Variants in HOMER1 observed in about 807,000 individuals in gnomAD.
The protein encoded by HOMER1 is homer protein homolog 1.
In HOMER1, 3 loss-of-function variants were observed where a neutral mutation model predicts 48.9. The ratio of observed to expected loss-of-function variants is 0.06; its 90% CI spans 0.03 to 0.16. HOMER1 has a LOEUF of 0.16. Ranked by LOEUF, HOMER1 falls within the 10% of genes least tolerant of loss-of-function variation. HOMER1 has a pLI of 1.00. For synonymous variants in HOMER1, 134 were observed against 146.4 expected, an observed-to-expected ratio of 0.92 and a Z score of 0.61; for missense variants, 247 against 411.4, an observed-to-expected ratio of 0.60 and a Z score of 3.46.
At chr5:79,404,103 T>C (rs1749599976) in intron 5 of HOMER1, among the ~76,000 whole-genome samples, 2 of 152,234 alleles carry the variant, frequency 1.3e-5, no homozygotes, top group African/African-American at 4.8e-5. Flanking sequence ...TTTATTTAAA[T>C]GGAAACTTCA....
chr5:79,497,590 G>A (rs370002306), intron 1 of HOMER1, among the ~76,000 whole-genome samples: 8 of 151,644 alleles, frequency 5.3e-5, no homozygotes, highest in Non-Finnish European at 7.4e-5. Flanking sequence ...ATTTGAACCC[G>A]GGAGGCGGAG....
chr5:79,424,352 TTTTC>T (rs1425446085), intron 5 of HOMER1, among the ~76,000 whole-genome samples: 3 of 152,018 alleles, frequency 2.0e-5, no homozygotes, highest in African/African-American at 4.8e-5. Context: ...TTACTTTAGC[TTTTC>T]TTTAATTGTA....
In HOMER1 at chr5:79,404,651, A is replaced by G. The variant is rs549254920; in HGVS notation, c.528-2596T>C. ...ATAACAGAACATTTCATCATGACAA[A>G]AAGTTCTACTGAACAGTACTGTTCA... On this transcript the variant is annotated intron_variant, in intron 5 of 8. Transcript: ENST00000334082. 7.2e-5 allele frequency among the ~76,000 whole-genome samples: 11 copies of G among 152,290 alleles called. No individual in the cohort carries two copies. The East Asian group carries it at 1.9e-3, about 27-fold the overall frequency.
chr5:79,427,064 T>A (rs1750276554), intron 5 of HOMER1, among the ~76,000 whole-genome samples: 1 of 152,236 alleles, frequency 6.6e-6, no homozygotes, highest in African/African-American at 2.4e-5. Flanking sequence ...TGAAGGTTAA[T>A]ATACAAGTAT....
intron 1 of HOMER1, among the ~76,000 whole-genome samples, chr5:79,501,031 CAG>C (rs1752572082): frequency 6.6e-6 from 1 of 151,166 alleles, no homozygotes; most frequent in African/African-American, 2.4e-5. Flanking sequence ...AGTGCAGTGG[CAG>C]GATCTCAGCT....
In HOMER1 at chr5:79,471,551, GAAAAAAA is replaced by G. The variant is rs55724615; in HGVS notation, c.6-14540_6-14534del. On this transcript the variant is annotated intron_variant, in intron 1 of 8. Coordinates refer to ENST00000334082, the MANE Select transcript of HOMER1 (RefSeq NM_004272.5). The stretch of plus-strand genomic sequence containing the variant: ...AATAAGAGCAAAACTCCATCTCAAA[GAAAAAAA>G]AAAAAAAAAAAAAAAGAAAGAAAAA... Among the ~76,000 whole-genome samples the G allele has an allele frequency of 6.1e-3, 598 of 97,696 alleles. 6 individuals are homozygous for G. The highest frequency in any genetic ancestry group is 0.02 in the African/African-American group (555 of 27,666). 64.1% of individuals were successfully genotyped at this position (97,696 alleles called of 152,430 possible).
At chr5:79,417,113 TG>T (rs1300663350) in intron 5 of HOMER1, among the ~76,000 whole-genome samples, 4 of 151,722 alleles carry the variant, frequency 2.6e-5, no homozygotes, top group African/African-American at 9.7e-5. Context: ...GTATTTTTGT[TG>T]ATTTCCCTAT....
At chr5:79,479,562 A>G (rs1209340363) in intron 1 of HOMER1, among the ~76,000 whole-genome samples, 2 of 152,190 alleles carry the variant, frequency 1.3e-5, no homozygotes, top group Non-Finnish European at 2.9e-5. Flanking sequence ...TAGAAAAGTC[A>G]AGGGAACCAT....
intron 5 of HOMER1, 31 bp from the exon 6 acceptor site, chr5:79,402,086 A>G (rs2112221145): frequency 6.3e-7 from 1 of 1,585,068 alleles, no homozygotes; most frequent in Non-Finnish European, 8.6e-7. Context: ...AATTCTATCC[A>G]TTACACCAAC....
At chr5:79,503,000 C>A (rs1035244521) in intron 1 of HOMER1, among the ~76,000 whole-genome samples, 1 of 151,980 alleles carries the variant, frequency 6.6e-6, no homozygotes, top group African/African-American at 2.4e-5. Flanking sequence ...CCGTGTTAGC[C>A]AGGACGGTCT....
At chr5:79,465,127 A>G (rs1751420338) in intron 1 of HOMER1, among the ~76,000 whole-genome samples, 2 of 152,046 alleles carry the variant, frequency 1.3e-5, no homozygotes, top group Admixed American at 6.5e-5. Flanking sequence ...GCTTGAGCCC[A>G]TGAGTTCCAG....
intron 8 of HOMER1, among the ~76,000 whole-genome samples, chr5:79,379,426 T>G (rs982424439): frequency 5.9e-5 from 7 of 117,700 alleles, no homozygotes; most frequent in African/African-American, 2.0e-4. Context: ...ATTTTATATA[T>G]TATATATTTA....
At chr5:79,431,477 A>G (rs1388264392) in intron 5 of HOMER1, among the ~76,000 whole-genome samples, 1 of 152,152 alleles carries the variant, frequency 6.6e-6, no homozygotes, top group Admixed American at 6.5e-5. Context: ...GTGTGGGTGT[A>G]TAGGGAGAAT....
intron 1 of HOMER1, among the ~76,000 whole-genome samples, chr5:79,492,790 C>G (rs910078280): frequency 6.6e-6 from 1 of 151,314 alleles, no homozygotes; most frequent in Non-Finnish European, 1.5e-5. Context: ...GGAAAGGGGC[C>G]GCTAAGGGGG....
chr5:79,400,414 T>C (rs1378083864), intron 6 of HOMER1, among the ~76,000 whole-genome samples: 1 of 151,240 alleles, frequency 6.6e-6, no homozygotes, highest in East Asian at 1.9e-4. Flanking sequence ...GAGTATGCAG[T>C]GGCGTGATCT....
chr5:79,449,632 C>T (rs1057138325), intron 3 of HOMER1, among the ~76,000 whole-genome samples: 3 of 152,046 alleles, frequency 2.0e-5, no homozygotes, highest in Admixed American at 1.3e-4. Flanking sequence ...GCCACCACAC[C>T]CAGCTAATTT....
chr5:79,456,782 T>G lies in HOMER1; in HGVS notation c.162+80A>C, dbSNP rs1751187660. The stretch of plus-strand genomic sequence containing the variant: ...AGGAAACATTTTATATTAATGAAGA[T>G]AAAATGTTCTGAATAGAACTAAAAT... On this transcript the variant is annotated intron_variant, in intron 2 of 8. Transcript: ENST00000334082. The G allele has an allele frequency of 2.5e-6, 3 of 1,218,314 alleles. No homozygotes were observed. The East Asian group carries it at 7.1e-5, about 29-fold the overall frequency. The allele number at this position is 1,218,314 out of a possible 1,614,324, so 75.5% of individuals were successfully genotyped here. A position where few individuals can be genotyped will look rare whatever the true frequency, so the allele number is the denominator to read the frequency against.
At chr5:79,477,924 T>C (rs758619830) in intron 1 of HOMER1, among the ~76,000 whole-genome samples, 9 of 151,960 alleles carry the variant, frequency 5.9e-5, no homozygotes, top group Non-Finnish European at 1.0e-4. Context: ...CAATAGAAGA[T>C]GATGAAGGCA....
intron 1 of HOMER1, among the ~76,000 whole-genome samples, chr5:79,503,551 A>C (rs1381841994): frequency 7.1e-6 from 1 of 141,572 alleles, no homozygotes; most frequent in Non-Finnish European, 1.5e-5. Context: ...AAAAAAAAAA[A>C]AAACAGAGGC....
Sources: gnomAD v4.1 joint callset for allele counts (sites outside exome capture counted in the v4.1 genomes callset) on GRCh38, gnomAD v4.1.1 for gene constraint, MANE v1.5 for transcripts, NCBI Gene and HGNC (gene_info 2026-07-23, HGNC 2026-07-21) for gene names.